Variants in CHST15 observed in about 807,000 individuals in gnomAD.
CHST15 encodes the protein carbohydrate sulfotransferase 15.
Under a neutral mutation model 53.6 loss-of-function variants are expected in CHST15, and 30 were observed. The observed-to-expected ratio is 0.56, with a 90% CI of 0.42 to 0.76. The LOEUF (loss-of-function observed/expected upper bound fraction) is 0.76. Ranked by LOEUF, CHST15 falls within the 30% of genes least tolerant of loss-of-function variation. The probability of loss-of-function intolerance (pLI) is 0.00; values close to 1 mark genes in which losing one functional copy is unlikely to be tolerated. For missense variants in CHST15, 627 were observed against 740.5 expected, an observed-to-expected ratio of 0.85 and a Z score of 1.78; for synonymous variants, 296 against 289.8, an observed-to-expected ratio of 1.02 and a Z score of -0.22.
intron 5 of CHST15, among the ~76,000 whole-genome samples, chr10:124,022,411 C>T (rs1325039255): frequency 6.6e-6 from 1 of 152,202 alleles, no homozygotes; most frequent in Admixed American, 6.5e-5. Flanking sequence ...ATCCACTCTC[C>T]GTTGCCTGTT....
At chr10:124,067,056 C>A (rs1756867022) in intron 1 of CHST15, among the ~76,000 whole-genome samples, 1 of 152,230 alleles carries the variant, frequency 6.6e-6, no homozygotes, top group East Asian at 1.9e-4. Flanking sequence ...GCATGCAGCC[C>A]CATCTGAGTG....
chr10:124,053,067 A>G (rs1244705522), intron 1 of CHST15, among the ~76,000 whole-genome samples: 1 of 152,188 alleles, frequency 6.6e-6, no homozygotes, highest in East Asian at 1.9e-4. Context: ...TCAGTGCTCA[A>G]TAAATGTTAG....
intron 1 of CHST15, among the ~76,000 whole-genome samples, chr10:124,077,984 T>C (rs1164649164): frequency 6.6e-6 from 1 of 152,242 alleles, no homozygotes; most frequent in Non-Finnish European, 1.5e-5. Flanking sequence ...GCAGAAATTC[T>C]ACCAACCTTA....
At chr10:124,070,547 T>C in intron 1 of CHST15, among the ~76,000 whole-genome samples, 1 of 148,962 alleles carries the variant, frequency 6.7e-6, no homozygotes, top group East Asian at 1.9e-4. Context: ...CTCAGCTGAT[T>C]TTTTTTTTAA....
chr10:124,058,693 G>T (rs1305628458), intron 1 of CHST15, among the ~76,000 whole-genome samples: 2 of 152,084 alleles, frequency 1.3e-5, no homozygotes, highest in African/African-American at 2.4e-5. Flanking sequence ...AAAAGGCCAG[G>T]GTCAGTAGTG....
chr10:124,035,125 C>CGGGG (rs1564869117), intron 5 of CHST15, among the ~76,000 whole-genome samples: 8 of 143,402 alleles, frequency 5.6e-5, no homozygotes, highest in African/African-American at 8.0e-5. Context: ...CGCCCCCTAA[C>CGGGG]AGGGACCCCG....
Position 124,019,877 on chromosome 10 carries a change from C to A in CHST15, c.1347+1379G>T, listed in dbSNP as rs892635367. Reference sequence around the variant, plus strand: ...AGTGCCCCCCATCTCCCACACCAGGCGGCTGGCTGCGTTCTGTATGGTAGG... The same window carrying A: ...AGTGCCCCCCATCTCCCACACCAGGAGGCTGGCTGCGTTCTGTATGGTAGG... On this transcript the variant is annotated intron_variant, in intron 6 of 7. Transcript: ENST00000435907. The surrounding 1 kb of genome is among the most constrained non-coding windows in gnomAD (Gnocchi z 4.6). 1.0e-6 allele frequency: 1 copy of A among 985,982 alleles called. No individual in the cohort carries two copies. The highest frequency in any genetic ancestry group is 1.1e-4 in the East Asian group (1 of 8,824). The allele number at this position is 985,982 out of a possible 1,614,324, so 61.1% of individuals were successfully genotyped here.
chr10:124,014,663 C>T (rs1000513755), intron 6 of CHST15, among the ~76,000 whole-genome samples: 1 of 152,174 alleles, frequency 6.6e-6, no homozygotes, highest in Non-Finnish European at 1.5e-5. Flanking sequence ...GTAGGCCGTC[C>T]CTCGTAGGGG....
At chr10:124,063,383 C>CA (rs1193865070) in intron 1 of CHST15, among the ~76,000 whole-genome samples, 28 of 146,988 alleles carry the variant, frequency 1.9e-4, no homozygotes, top group African/African-American at 2.5e-4. Context: ...CACTCCGTCT[C>CA]AAAAAAAAAA....
intron 6 of CHST15, among the ~76,000 whole-genome samples, chr10:124,013,919 C>A (rs187751624): frequency 9.3e-4 from 142 of 152,362 alleles, no homozygotes; most frequent in African/African-American, 3.2e-3. Context: ...GCTGATACAG[C>A]CTCCTGGCTA....
intron 5 of CHST15, among the ~76,000 whole-genome samples, chr10:124,035,651 T>G (rs542766708): frequency 6.6e-6 from 1 of 151,700 alleles, no homozygotes; most frequent in Non-Finnish European, 1.5e-5. Flanking sequence ...AACAGGGACC[T>G]TGGCTCCACC....
chr10:124,009,700 C>G lies in CHST15; in HGVS notation c.*449G>C. The G allele has an allele frequency of 2.0e-6, 2 of 1,021,934 alleles. No individual in the cohort carries two copies. The highest frequency in any genetic ancestry group is 2.3e-6 in the Non-Finnish European group (2 of 851,154). 63.3% of individuals were successfully genotyped at this position (1,021,934 alleles called of 1,614,324 possible). ...ACAGTCTGTGCAACACGGCGAGACC[C>G]CATCTCTAGGGGGAAAAAAAGGGAA... On this transcript the variant is annotated 3_prime_UTR_variant, in exon 8 of 8. Transcript: ENST00000435907.
intron 5 of CHST15, among the ~76,000 whole-genome samples, chr10:124,022,712 A>G (rs557888772): frequency 2.0e-5 from 3 of 150,898 alleles, no homozygotes; most frequent in Non-Finnish European, 4.4e-5. Flanking sequence ...CAAGAATCCC[A>G]TCGGGTTGGT....
At chr10:124,060,361 G>T (rs1182110857) in intron 1 of CHST15, among the ~76,000 whole-genome samples, 1 of 150,520 alleles carries the variant, frequency 6.6e-6, no homozygotes, top group Non-Finnish European at 1.5e-5. Flanking sequence ...GCAAAGGTGT[G>T]TCCCCCCCGA....
chr10:124,030,285 T>C (rs1031022839), intron 5 of CHST15, among the ~76,000 whole-genome samples: 1 of 152,122 alleles, frequency 6.6e-6, no homozygotes, highest in African/African-American at 2.4e-5. Context: ...AACAGCTCAG[T>C]CCTATTAAAG....
Position 124,056,881 on chromosome 10 carries a change from C to A in CHST15, c.-512-10157G>T, listed in dbSNP as rs570969187. On this transcript the variant is annotated intron_variant, in intron 1 of 7. Coordinates refer to ENST00000435907, the MANE Select transcript of CHST15 (RefSeq NM_001270764.2). ...CCTGCCTGTACGACCGGACACTCTG[C>A]GGCCCAGGCCTGTACGACCGGACAC... Among the ~76,000 whole-genome samples the A allele has an allele frequency of 2.6e-5, 4 of 151,618 alleles. No homozygotes were observed. The South Asian group carries it at 8.3e-4, about 31-fold the overall frequency.
intron 1 of CHST15, among the ~76,000 whole-genome samples, chr10:124,053,783 T>C (rs927621685): frequency 6.6e-6 from 1 of 152,048 alleles, no homozygotes; most frequent in African/African-American, 2.4e-5. Flanking sequence ...CTGGGTGTGG[T>C]GGTGCACACC....
chr10:124,032,921 T>TCA (rs1220886043), intron 5 of CHST15, among the ~76,000 whole-genome samples: 10 of 57,548 alleles, frequency 1.7e-4, no homozygotes, highest in Admixed American at 1.3e-3. Context: ...TTTGGATCAA[T>TCA]TAGGCTGAAT....
At chr10:124,038,842 GC>G (rs903550838) in intron 4 of CHST15, among the ~76,000 whole-genome samples, 171 bp from the exon 5 acceptor site, 26 of 151,180 alleles carry the variant, frequency 1.7e-4, no homozygotes, top group Non-Finnish European at 2.2e-4. Flanking sequence ...AAGGTTGGAT[GC>G]CCCCCCCTGC....
Sources: allele counts gnomAD v4.1 joint callset (sites outside exome capture counted in the v4.1 genomes callset), GRCh38; gene constraint gnomAD v4.1.1; non-coding constraint Gnocchi (gnomAD v3.1); transcripts MANE v1.5; gene names NCBI Gene and HGNC (gene_info 2026-07-23, HGNC 2026-07-21).